GRAMD1B: variants seen among roughly 807,000 people sequenced by gnomAD.
GRAMD1B encodes the protein GRAM domain containing 1B.
GRAMD1B carries 37 observed loss-of-function variants against 99.7 expected under a neutral mutation model. That is an observed-to-expected ratio of 0.37 (90% CI 0.29 to 0.49). GRAMD1B has a LOEUF of 0.49. GRAMD1B is among the 20% of genes least tolerant of loss of function. GRAMD1B has a pLI of 0.98. For synonymous variants in GRAMD1B, 427 were observed against 387.6 expected (o/e 1.10, Z -1.19); for missense variants, 888 against 1,009.2 (o/e 0.88, Z 1.63).
chr11:123,522,901 A>G (rs1006483745), intron 2 of GRAMD1B, among the ~76,000 whole-genome samples: 2 of 152,210 alleles, frequency 1.3e-5, no homozygotes, highest in East Asian at 1.9e-4. Context: ...GCTTTTGTAA[A>G]CCAGTTTGTC....
At chr11:123,451,076 A>G (rs1216902370) in intron 1 of GRAMD1B, among the ~76,000 whole-genome samples, 1 of 152,238 alleles carries the variant, frequency 6.6e-6, no homozygotes, top group Non-Finnish European at 1.5e-5. Context: ...TCAGGGTGGC[A>G]GAGAATGGCA....
At chr11:123,498,094 A>G (rs965410763) in intron 2 of GRAMD1B, among the ~76,000 whole-genome samples, 1 of 151,976 alleles carries the variant, frequency 6.6e-6, no homozygotes, top group Non-Finnish European at 1.5e-5. Context: ...TCCGCTTGTG[A>G]TGAATGCTGC....
At chr11:123,490,747 A>G (rs1329142519) in intron 2 of GRAMD1B, among the ~76,000 whole-genome samples, 28 of 152,162 alleles carry the variant, frequency 1.8e-4, no homozygotes, top group Admixed American at 1.8e-3. Flanking sequence ...GGTGCCATCT[A>G]TTGAAAGGTA....
At chr11:123,568,906 G>A (rs1947730621) in intron 2 of GRAMD1B, among the ~76,000 whole-genome samples, 1 of 152,238 alleles carries the variant, frequency 6.6e-6, no homozygotes, top group Non-Finnish European at 1.5e-5. Flanking sequence ...TAGGCACACA[G>A]AGAGCAGGTT....
At chr11:123,459,933 A>T (rs56328670) in intron 1 of GRAMD1B, 18,213 of 152,154 alleles carry the variant, frequency 0.12, 1,248 homozygotes, top group Non-Finnish European at 0.15. Context: ...TACTTTATGG[A>T]GCATCAACAT....
chr11:123,604,054 A>G (rs1952369185), intron 9 of GRAMD1B, among the ~76,000 whole-genome samples: 1 of 152,234 alleles, frequency 6.6e-6, no homozygotes, highest in South Asian at 2.1e-4. Flanking sequence ...ATTGTTCCAA[A>G]CGGAGATGGA....
At chr11:123,359,304 G>A (rs948842) in intron 1 of GRAMD1B, among the ~76,000 whole-genome samples, 146,023 of 150,650 alleles carry the variant, frequency 0.97, 70,790 homozygotes, top group East Asian at 1. Flanking sequence ...GTAGAAGTCC[G>A]AGATTTGGCA....
At chr11:123,595,749 A>C (rs1394979515) in intron 6 of GRAMD1B, among the ~76,000 whole-genome samples, 193 bp from the exon 7 acceptor site, 1 of 152,242 alleles carries the variant, frequency 6.6e-6, no homozygotes. Context: ...GACAAGGCTC[A>C]GTCCCCACTT....
intron 1 of GRAMD1B, among the ~76,000 whole-genome samples, chr11:123,440,794 T>C (rs1030345537): frequency 6.6e-5 from 10 of 152,172 alleles, no homozygotes; most frequent in Non-Finnish European, 1.5e-5. Flanking sequence ...AAATGGGGGT[T>C]GATATGGCTT....
Position 123,597,547 on chromosome 11 carries a change from A to G in GRAMD1B, c.969+1510A>G, listed in dbSNP as rs546572238. ...CCTCATCCTGGGGTAATACTCATTC[A>G]GGGAAGTAGCAACAAAGGAGGGTGG... On this transcript the variant is annotated intron_variant, in intron 7 of 19. Transcript: ENST00000635736. 9.2e-5 allele frequency among the ~76,000 whole-genome samples: 14 copies of G among 152,222 alleles called. No homozygotes were observed. The East Asian group carries it at 2.7e-3, about 29-fold the overall frequency.
intron 2 of GRAMD1B, among the ~76,000 whole-genome samples, chr11:123,495,114 T>TCCACACAC: frequency 6.7e-6 from 1 of 148,648 alleles, no homozygotes; most frequent in African/African-American, 2.5e-5. Context: ...TATATATACA[T>TCCACACAC]ACACACACAC....
At chr11:123,583,320 A>ATG (rs961721924) in intron 3 of GRAMD1B, among the ~76,000 whole-genome samples, 2 of 132,298 alleles carry the variant, frequency 1.5e-5, no homozygotes, top group Admixed American at 1.5e-4. Flanking sequence ...GCACGTGTGG[A>ATG]TGTGTGTGCA....
At chr11:123,604,312 C>T (rs1432681118) in intron 9 of GRAMD1B, among the ~76,000 whole-genome samples, 1 of 152,140 alleles carries the variant, frequency 6.6e-6, no homozygotes, top group Non-Finnish European at 1.5e-5. Context: ...CCTGGGAGCA[C>T]TCAGTGAGGG....
chr11:123,540,340 A>G (rs1222643935), intron 2 of GRAMD1B, among the ~76,000 whole-genome samples: 1 of 152,026 alleles, frequency 6.6e-6, no homozygotes. Flanking sequence ...TTGGGCTCCC[A>G]AACAGTTGGG....
chr11:123,615,946 C>A (rs968599317), intron 17 of GRAMD1B, among the ~76,000 whole-genome samples: 1 of 152,152 alleles, frequency 6.6e-6, no homozygotes, highest in African/African-American at 2.4e-5. Context: ...CTTTCACCAA[C>A]CTTAATATGT....
chr11:123,454,681 C>T (rs963189193), intron 1 of GRAMD1B: 3 of 152,144 alleles, frequency 2.0e-5, no homozygotes, highest in Admixed American at 1.3e-4. Context: ...GCGGAGGGCC[C>T]TAAGTGAATA....
At chr11:123,427,687 A>T (rs1049208644), upstream of GRAMD1B, among the ~76,000 whole-genome samples, 1 of 152,226 alleles carries the variant, frequency 6.6e-6, no homozygotes, top group African/African-American at 2.4e-5. Context: ...ATGGCTTGAA[A>T]AAAAGAAGGG....
chr11:123,397,728 C>T (rs1054999112), intron 1 of GRAMD1B, among the ~76,000 whole-genome samples: 37 of 152,214 alleles, frequency 2.4e-4, no homozygotes, highest in African/African-American at 7.7e-4. Context: ...AGGCTGGTCT[C>T]GAACTCCTGG....
chr11:123,566,349 A>G (rs939789729), intron 2 of GRAMD1B, among the ~76,000 whole-genome samples: 3 of 152,220 alleles, frequency 2.0e-5, no homozygotes, highest in African/African-American at 4.8e-5. Flanking sequence ...TTTAGTTTTC[A>G]TGGACCCAAG....
Sources: gnomAD v4.1 joint callset for allele counts (sites outside exome capture counted in the v4.1 genomes callset) on GRCh38, gnomAD v4.1.1 for gene constraint, MANE v1.5 for transcripts, NCBI Gene and HGNC (gene_info 2026-07-23, HGNC 2026-07-21) for gene names.